DNAH17: variants seen among roughly 807,000 people sequenced by gnomAD.
The protein encoded by DNAH17 is axonemal beta dynein heavy chain 17.
A neutral mutation model predicts 485.6 loss-of-function variants in DNAH17; 376 were observed. That is an observed-to-expected ratio of 0.77 (90% CI 0.71 to 0.84). The LOEUF (loss-of-function observed/expected upper bound fraction) is 0.84, where lower values mean the gene tolerates loss of function less well. DNAH17 is among the 40% of genes least tolerant of loss of function. The probability of loss-of-function intolerance (pLI) is 0.00; values close to 1 mark genes in which losing one functional copy is unlikely to be tolerated. For missense variants in DNAH17, 6,370 were observed against 5,839.3 expected, an observed-to-expected ratio of 1.09 and a Z score of -2.96; for synonymous variants, 3,031 against 2,405.9, an observed-to-expected ratio of 1.26 and a Z score of -7.60.
At position 78,543,857 on chromosome 17, in the gene DNAH17, T is replaced by C; in HGVS notation, c.2532A>G (p.Ala844=). 1 of 1,614,040 alleles carries C rather than the reference T, an allele frequency of 6.2e-7. No homozygotes were observed. The highest frequency in any genetic ancestry group is 8.5e-7 in the Non-Finnish European group (1 of 1,179,896). ...DAGVKIQAMV[A]ENAELFRADT... is the part of the protein sequence containing the mutation. ...AAAAACCTCCTGGGTGTTTCCTTAC[T>C]GCAACCATGGCTTGGATCTTCACTC... The change falls in exon 17 of 81, where the codon GCA becomes GCG. Residue 844 remains alanine, a splice_region_variant and synonymous_variant. Transcript: ENST00000389840.
At chr17:78,509,964 T>C (rs890143767) in intron 27 of DNAH17, among the ~76,000 whole-genome samples, 9 of 152,278 alleles carry the variant, frequency 5.9e-5, no homozygotes, top group East Asian at 5.8e-4. Flanking sequence ...AGCGGGTCAG[T>C]TGAAGTCAGG....
At chr17:78,467,808 A>G (rs1035535801) in intron 55 of DNAH17, among the ~76,000 whole-genome samples, 4 of 152,190 alleles carry the variant, frequency 2.6e-5, no homozygotes, top group Non-Finnish European at 4.4e-5. Context: ...ACCTGAGGTC[A>G]GGAGTTCAAG....
In DNAH17 at chr17:78,423,801, G is replaced by T. The variant is rs72903323; in HGVS notation, c.*105C>A. 2 of 1,451,160 alleles carry T rather than the reference G, an allele frequency of 1.4e-6. No individual in the cohort carries two copies. The highest frequency in any genetic ancestry group is 9.4e-7 in the Non-Finnish European group (1 of 1,067,436). 89.9% of individuals were successfully genotyped at this position (1,451,160 alleles called of 1,614,324 possible). ...AAAGCACCTGATTATTTAAGAGAAC[G>T]AAAAACCACCACCAGTTCCTGTAAA... On this transcript the variant is annotated 3_prime_UTR_variant, in exon 81 of 81. Transcript: ENST00000389840.
chr17:78,529,662 G>T lies in DNAH17; in HGVS notation c.3317C>A (p.Ala1106Asp), dbSNP rs910393066. Residue 1106 changes from alanine (A) to aspartate (D), a missense_variant, in exon 22 of 81, where the codon GCC becomes GAC. Transcript: ENST00000389840. ...GAGGGGCTTGGTCAAGCCCATTCTG[G>T]CGACTTTCATGAAGGCTTCCAGGTC... The part of the protein sequence containing the change: ...LADLEAFMKV[A>D]RMGLTKPLKE... 1.9e-6 allele frequency: 3 copies of T among 1,613,748 alleles called. No individual in the cohort carries two copies. The African/African-American group carries it at 4.0e-5, about 22-fold the overall frequency.
chr17:78,466,600 C>G, intron 56 of DNAH17, 55 bp downstream of exon 56: 3 of 1,516,778 alleles, frequency 2.0e-6, no homozygotes, highest in Non-Finnish European at 2.7e-6. Context: ...AGCCCTTGGG[C>G]CTGTCCTTGT....
At position 78,552,769 on chromosome 17, in the gene DNAH17, TTAG is replaced by T. The variant is rs777186835; in HGVS notation, c.2212_2214del (p.Leu738del). 6 of 1,613,642 alleles carry T rather than the reference TTAG, an allele frequency of 3.7e-6. No homozygotes were observed. The highest frequency in any genetic ancestry group is 5.1e-6 in the Non-Finnish European group (6 of 1,179,646). On this transcript the variant is annotated inframe_deletion, in exon 15 of 81. Transcript: ENST00000389840. The stretch of plus-strand genomic sequence containing the variant: ...TCAATTGCTTCCAGTTCTGACTTTA[TTAG>T]TAGAAATTCTACTGCCTTCACTATA...
intron 56 of DNAH17, among the ~76,000 whole-genome samples, chr17:78,465,278 T>A (rs2088367002): frequency 6.6e-6 from 1 of 151,752 alleles, no homozygotes; most frequent in Admixed American, 6.6e-5. Flanking sequence ...CTCGGCTCGC[T>A]ACAACCTCCA....
Position 78,459,807 on chromosome 17 carries a change from AG to A in DNAH17, c.9629del (p.Pro3210LeufsTer5). 1.2e-6 allele frequency: 2 copies of A among 1,614,040 alleles called. No individual in the cohort carries two copies. Among genetic ancestry groups the A allele is most frequent in the Non-Finnish European group, 1.7e-6 (2 of 1,179,894 alleles). ...ACTTGAAGGCCTTCAGGCAGGCCTC[AG>A]GGATGTGCTCCTTGTCGAACTTCTT... ...SLKKFDKEHIPEACLKAFKPY... is the reference protein window; with the variant it reads ...SLKKFDKEHIXEACLKAFKPY... On this transcript the variant is annotated frameshift_variant, in exon 60 of 81. Coordinates refer to ENST00000389840, the MANE Select transcript of DNAH17 (RefSeq NM_173628.4). LOFTEE classifies it high-confidence loss of function.
rs891758974 is a variant in DNAH17 at position 78,498,566 on chromosome 17, C to T, written c.5745+442G>A. Among the ~76,000 whole-genome samples, 3 of 152,234 alleles carry T rather than the reference C, an allele frequency of 2.0e-5. No individual in the cohort carries two copies. In the South Asian group the frequency reaches 6.2e-4, roughly 32 times the overall value. ...CCCTGCACCCAGGTCGCCCCAGCCA[C>T]TCCGCTGCACGCTCTGTGCCCCGGC... is the stretch of plus-strand genomic sequence containing the variant. On this transcript the variant is annotated intron_variant, in intron 37 of 80. Transcript: ENST00000389840.
At chr17:78,429,094 A>C (rs2146417736) in intron 76 of DNAH17, 27 bp downstream of exon 76, 1 of 1,604,522 alleles carries the variant, frequency 6.2e-7, no homozygotes, top group Non-Finnish European at 8.5e-7. Flanking sequence ...CATTACGTTG[A>C]GCTCCTGTTT....
chr17:78,423,740 CA>C lies in DNAH17; in HGVS notation c.*165del. The C allele has an allele frequency of 1.1e-6, 1 of 902,506 alleles. No homozygotes were observed. Among genetic ancestry groups the C allele is most frequent in the South Asian group, 1.6e-5 (1 of 61,238 alleles). 55.9% of individuals were successfully genotyped at this position (902,506 alleles called of 1,614,324 possible). On this transcript the variant is annotated 3_prime_UTR_variant, in exon 81 of 81. Transcript: ENST00000389840. ...TTAATCTGCCCCACCTCTTCCACAC[CA>C]ACCTCCACCCTCTGGTTCCGATGTG...
At chr17:78,442,876 T>C (rs1270302615) in intron 71 of DNAH17, among the ~76,000 whole-genome samples, 1 of 152,226 alleles carries the variant, frequency 6.6e-6, no homozygotes, top group Non-Finnish European at 1.5e-5. Flanking sequence ...CTGTCAGTGC[T>C]TGCAACAGTG....
chr17:78,563,704 C>A (rs547984805), intron 11 of DNAH17, among the ~76,000 whole-genome samples: 1 of 152,102 alleles, frequency 6.6e-6, no homozygotes, highest in Non-Finnish European at 1.5e-5. Context: ...TGCTCTAGAA[C>A]GTTCCTGGCT....
intron 66 of DNAH17, 150 bp from the exon 67 acceptor site, chr17:78,450,996 G>A (rs976766613): frequency 6.9e-6 from 7 of 1,016,564 alleles, no homozygotes; most frequent in Non-Finnish European, 7.1e-6. Context: ...CAGAAGCAGA[G>A]CCCCTGGAAC....
chr17:78,468,750 G>T lies in DNAH17; in HGVS notation c.8645C>A (p.Pro2882His), dbSNP rs771046286. The change falls in exon 55 of 81, where the codon CCT (proline) becomes CAT (histidine). Residue 2882 changes from proline to histidine, a missense_variant. By Grantham distance (77) the Pro-to-His change is moderately conservative. Coordinates refer to ENST00000389840, the MANE Select transcript of DNAH17 (RefSeq NM_173628.4). ...CACCTCGTCCTCCATAAACAGCCCA[G>T]GGATCTCTCCTGAGGCCAGCAGGTC... The part of the protein sequence containing the change: ...INDLLASGEI[P>H]GLFMEDEVEN... 2 of 1,614,024 alleles carry T rather than the reference G, an allele frequency of 1.2e-6. No individual in the cohort carries two copies. The highest frequency in any genetic ancestry group is 8.5e-7 in the Non-Finnish European group (1 of 1,179,896).
intron 31 of DNAH17, among the ~76,000 whole-genome samples, chr17:78,504,383 G>A (rs1352887773): frequency 1.3e-5 from 2 of 151,964 alleles, no homozygotes; most frequent in African/African-American, 4.8e-5. Context: ...CCTTTTAACT[G>A]GAAACACAGT....
At position 78,424,074 on chromosome 17, in the gene DNAH17, G is replaced by A. The variant is rs2086268043; in HGVS notation, c.13221C>T (p.Phe4407=). The A allele has an allele frequency of 2.5e-6, 4 of 1,614,040 alleles. No individual in the cohort carries two copies. The highest frequency in any genetic ancestry group is 2.5e-6 in the Non-Finnish European group (3 of 1,179,886). The part of the protein sequence containing the change: ...KELTPAMPVI[F]IKAIPVDRME... ...TGCGGTCCACAGGAATGGCCTTGAT[G>A]AAGATGACAGGCATGGCCGGGGTCA... The change falls in exon 81 of 81, where the codon TTC becomes TTT. Residue 4407 remains phenylalanine (F), a synonymous_variant. Transcript: ENST00000389840.
At chr17:78,464,379 C>A (rs1026089901) in intron 56 of DNAH17, among the ~76,000 whole-genome samples, 1 of 152,188 alleles carries the variant, frequency 6.6e-6, no homozygotes, top group Non-Finnish European at 1.5e-5. Flanking sequence ...CCTGCCTTAG[C>A]CTCTGGAGTA....
In DNAH17 at chr17:78,468,698, G is replaced by C. The variant is rs745487045; in HGVS notation, c.8697C>G (p.Pro2899=). Residue 2899 remains proline, a synonymous_variant, in exon 55 of 81, where the codon CCC becomes CCG. Coordinates refer to ENST00000389840, the MANE Select transcript of DNAH17 (RefSeq NM_173628.4). Reference sequence around the variant, plus strand: ...CATTCATGCCAAGGGACTTGACTTGGGGTCGCATGGAGGAGATGATGTTCT... The same window carrying C: ...CATTCATGCCAAGGGACTTGACTTGCGGTCGCATGGAGGAGATGATGTTCT... ...EVENIISSMR[P]QVKSLGMNDT... is the part of the protein sequence containing the mutation. 5.6e-6 allele frequency: 9 copies of C among 1,613,878 alleles called. No individual in the cohort carries two copies. The African/African-American group carries it at 9.3e-5, about 17-fold the overall frequency.
Sources: gnomAD v4.1 joint callset for allele counts (sites outside exome capture counted in the v4.1 genomes callset) on GRCh38, gnomAD v4.1.1 for gene constraint, MANE v1.5 for transcripts, NCBI Gene and HGNC (gene_info 2026-07-23, HGNC 2026-07-21) for gene names.